The following JAZF1 variants were observed in gnomAD, a reference collection of about 807,000 sequenced individuals.
The protein encoded by JAZF1 is JAZF zinc finger 1.
JAZF1 carries 8 observed loss-of-function variants against 26.4 expected under a neutral mutation model. The observed-to-expected ratio is 0.30, with a 90% CI of 0.18 to 0.55. The LOEUF is 0.55. Ranked by LOEUF, JAZF1 falls within the 20% of genes least tolerant of loss-of-function variation. The pLI is 0.94. For missense variants in JAZF1, 199 were observed against 322.0 expected, an observed-to-expected ratio of 0.62 and a Z score of 2.92; for synonymous variants, 126 against 122.3, an observed-to-expected ratio of 1.03 and a Z score of -0.20.
At chr7:27,950,946 T>C (rs1320119591) in intron 2 of JAZF1, among the ~76,000 whole-genome samples, 1 of 152,080 alleles carries the variant, frequency 6.6e-6, no homozygotes, top group Non-Finnish European at 1.5e-5. Context: ...GCATACAAGA[T>C]AATTTCGTCT....
chr7:28,022,639 A>G (rs1171388169), intron 1 of JAZF1, among the ~76,000 whole-genome samples: 4 of 152,244 alleles, frequency 2.6e-5, no homozygotes, highest in African/African-American at 9.6e-5. Context: ...GCATTTTACT[A>G]TATCCTTTAC....
intron 2 of JAZF1, among the ~76,000 whole-genome samples, chr7:27,961,493 C>T (rs1010373492): frequency 3.9e-5 from 6 of 152,212 alleles, no homozygotes; most frequent in Non-Finnish European, 7.3e-5. Context: ...CACATCATAA[C>T]TGGGAGAAGC....
chr7:27,832,482 G>A lies in JAZF1; in HGVS notation c.*318C>T, dbSNP rs908712028. 8.3e-5 allele frequency: 20 copies of A among 241,468 alleles called. No individual in the cohort carries two copies. Among genetic ancestry groups the A allele is most frequent in the South Asian group, 6.5e-4 (4 of 6,184 alleles). 15.0% of individuals were successfully genotyped at this position (241,468 alleles called of 1,614,324 possible). A position where few individuals can be genotyped will look rare whatever the true frequency, so the allele number is the denominator to read the frequency against. ...CTCCTCCCCCCAGGTTGATACCACC[G>A]CAATACAATTCAACAATATGCAACA... is the stretch of plus-strand genomic sequence containing the variant. On this transcript the variant is annotated 3_prime_UTR_variant, in exon 5 of 5. Transcript: ENST00000283928.
chr7:28,154,897 A>T (rs913089473), intron 1 of JAZF1, among the ~76,000 whole-genome samples: 2 of 152,142 alleles, frequency 1.3e-5, no homozygotes, highest in African/African-American at 2.4e-5. Flanking sequence ...AATTATATTC[A>T]AAATAGACAA....
intron 3 of JAZF1, chr7:27,842,756 T>A (rs1240004993): frequency 2.0e-5 from 3 of 152,242 alleles, no homozygotes; most frequent in African/African-American, 7.2e-5. Flanking sequence ...TCCTTTAACT[T>A]GCTTGTTAGA....
chr7:27,952,517 G>A (rs575214810), intron 2 of JAZF1, among the ~76,000 whole-genome samples: 2 of 152,260 alleles, frequency 1.3e-5, no homozygotes, highest in African/African-American at 4.8e-5. Flanking sequence ...ACATTCTTTC[G>A]TAAGTCTCAC....
At chr7:28,110,515 A>AAAGGGAAAGG (rs1562590947) in intron 1 of JAZF1, among the ~76,000 whole-genome samples, 21 of 58,948 alleles carry the variant, frequency 3.6e-4, no homozygotes, top group African/African-American at 1.7e-3. Context: ...AAAGGAAAGG[A>AAAGGGAAAGG]AAAGGAAAAG....
chr7:28,180,517 G>C lies in JAZF1; in HGVS notation c.61C>G (p.Leu21Val). ...SNTCRFGGCG[L>V]HFPTLADLIE... Reference sequence around the variant, plus strand: ...AGGTCGGCCAGGGTGGGGAAGTGGAGTCCGCAGCCCCCGAATCGGCAGGTA... The same window carrying C: ...AGGTCGGCCAGGGTGGGGAAGTGGACTCCGCAGCCCCCGAATCGGCAGGTA... The change falls in exon 1 of 5, where the codon CTC becomes GTC. Residue 21 changes from leucine (L) to valine (V), a missense_variant. Coordinates refer to ENST00000283928, the MANE Select transcript of JAZF1 (RefSeq NM_175061.4). 1.2e-6 allele frequency: 2 copies of C among 1,611,050 alleles called. No homozygotes were observed. The highest frequency in any genetic ancestry group is 1.7e-6 in the Non-Finnish European group (2 of 1,178,990).
rs1362122082 is a variant in JAZF1, at chr7:27,830,915, C to T, written c.*1885G>A. ...AACATGCACAATGACTATTTTATGA[C>T]TGTTTAGCTGTTGAACTACTGATCC... On this transcript the variant is annotated 3_prime_UTR_variant, in exon 5 of 5. Coordinates refer to ENST00000283928, the MANE Select transcript of JAZF1 (RefSeq NM_175061.4). 9.3e-6 allele frequency: 2 copies of T among 216,182 alleles called. No homozygotes were observed. The highest frequency in any genetic ancestry group is 1.9e-5 in the Non-Finnish European group (2 of 107,058). The allele number at this position is 216,182 out of a possible 1,614,324, so 13.4% of individuals were successfully genotyped here.
chr7:28,128,475 T>C (rs956020008), intron 1 of JAZF1, among the ~76,000 whole-genome samples: 9 of 152,136 alleles, frequency 5.9e-5, no homozygotes, highest in Non-Finnish European at 1.2e-4. Context: ...TGAGCTGAAG[T>C]TGTGCCACTG....
At chr7:28,005,186 A>G (rs1378570819) in intron 1 of JAZF1, among the ~76,000 whole-genome samples, 1 of 152,166 alleles carries the variant, frequency 6.6e-6, no homozygotes, top group Non-Finnish European at 1.5e-5. Flanking sequence ...TGTGCCTACA[A>G]TTAATAAGAC....
chr7:28,047,163 C>T (rs1783510587), intron 1 of JAZF1, among the ~76,000 whole-genome samples: 1 of 152,042 alleles, frequency 6.6e-6, no homozygotes, highest in African/African-American at 2.4e-5. Flanking sequence ...TTAAATATCC[C>T]ATCTATTCTG....
At position 28,020,552 on chromosome 7, in the gene JAZF1, C is replaced by T. The variant is rs182537434; in HGVS notation, c.116-28571G>A. The T allele has an allele frequency of 1.3e-4, 59 of 471,198 alleles. No individual in the cohort carries two copies. In the East Asian group the frequency reaches 1.9e-3, roughly 15 times the overall value. 29.2% of individuals were successfully genotyped at this position (471,198 alleles called of 1,614,324 possible). ...GTGGTTACAAGTGTCATGACACTTA[C>T]GTTGTCCTACGGCAGGCATGGACAT... On this transcript the variant is annotated intron_variant, in intron 1 of 4. Coordinates refer to ENST00000283928, the MANE Select transcript of JAZF1 (RefSeq NM_175061.4).
At chr7:27,926,995 C>A (rs1381399101) in intron 2 of JAZF1, among the ~76,000 whole-genome samples, 1 of 152,184 alleles carries the variant, frequency 6.6e-6, no homozygotes, top group African/African-American at 2.4e-5. Context: ...CCCGGGAGTT[C>A]TTCATTTGTA....
At chr7:27,955,316 A>G (rs1307160517) in intron 2 of JAZF1, among the ~76,000 whole-genome samples, 1 of 152,232 alleles carries the variant, frequency 6.6e-6, no homozygotes, top group African/African-American at 2.4e-5. Context: ...AGTATAATTT[A>G]TATCATTTCA....
chr7:28,000,794 T>G (rs572099809), intron 1 of JAZF1, among the ~76,000 whole-genome samples: 2 of 151,984 alleles, frequency 1.3e-5, no homozygotes, highest in East Asian at 3.9e-4. Flanking sequence ...AATTTTTGTG[T>G]TTTTAGTAGA....
At chr7:28,171,271 T>A (rs1054466230) in intron 1 of JAZF1, among the ~76,000 whole-genome samples, 2 of 152,248 alleles carry the variant, frequency 1.3e-5, no homozygotes, top group Admixed American at 6.5e-5. Flanking sequence ...CATACTGGAC[T>A]AATTGCATAA....
intron 3 of JAZF1, among the ~76,000 whole-genome samples, chr7:27,850,328 A>T (rs1783120124): frequency 6.6e-6 from 1 of 152,188 alleles, no homozygotes; most frequent in South Asian, 2.1e-4. Flanking sequence ...CATGCCTGGA[A>T]AATTCTTGAC....
chr7:28,103,556 C>T (rs1784506466), intron 1 of JAZF1, among the ~76,000 whole-genome samples: 1 of 152,176 alleles, frequency 6.6e-6, no homozygotes, highest in African/African-American at 2.4e-5. Flanking sequence ...TTTCCATCTT[C>T]CTCCAAAACT....
Sources: gnomAD v4.1 joint callset for allele counts (sites outside exome capture counted in the v4.1 genomes callset) on GRCh38, gnomAD v4.1.1 for gene constraint, MANE v1.5 for transcripts, NCBI Gene and HGNC (gene_info 2026-07-23, HGNC 2026-07-21) for gene names.